The following TNPO1 variants were observed in gnomAD, a reference collection of about 807,000 sequenced individuals.
TNPO1 encodes transportin 1, also known as transportin-1.
Under a neutral mutation model 119.5 loss-of-function variants are expected in TNPO1, and 8 were observed. The observed-to-expected ratio is 0.07, with a 90% CI of 0.04 to 0.12. TNPO1 has a LOEUF of 0.12. Among genes scored for constraint, TNPO1 ranks in the 10% least tolerant of loss-of-function variants. The pLI, the probability that TNPO1 is intolerant of heterozygous loss-of-function variation, is 1.00. For missense variants in TNPO1, 576 were observed against 1,089.8 expected, an observed-to-expected ratio of 0.53 and a Z score of 6.64; for synonymous variants, 362 against 363.0, an observed-to-expected ratio of 1.00 and a Z score of 0.03.
intron 9 of TNPO1, among the ~76,000 whole-genome samples, chr5:72,877,587 T>G (rs1412187556): frequency 1.3e-5 from 2 of 152,146 alleles, no homozygotes; most frequent in African/African-American, 2.4e-5. Flanking sequence ...AGCACAGTAT[T>G]TTTGTGGGGT....
intron 9 of TNPO1, among the ~76,000 whole-genome samples, chr5:72,880,418 T>A (rs540512519): frequency 6.6e-6 from 1 of 152,334 alleles, no homozygotes; most frequent in African/African-American, 2.4e-5. Context: ...ATAGGGCTGT[T>A]GTGTGGATTT....
intron 3 of TNPO1, among the ~76,000 whole-genome samples, chr5:72,853,146 T>C (rs1356569590): frequency 1.3e-5 from 2 of 152,160 alleles, no homozygotes; most frequent in East Asian, 3.9e-4. Flanking sequence ...GGTGGCTCTT[T>C]CTTGGGATAT....
chr5:72,883,609 T>A lies in TNPO1; in HGVS notation c.1150+377T>A, dbSNP rs148992273. On this transcript the variant is annotated intron_variant, in intron 11 of 24. Coordinates refer to ENST00000337273, the MANE Select transcript of TNPO1 (RefSeq NM_002270.4). ...CATTCACTTGTATTGTGAAATAATA[T>A]TTCATTGTAATATGCCACATATTCT... 6.4e-3 allele frequency among the ~76,000 whole-genome samples: 979 copies of A among 152,386 alleles called. 8 individuals are homozygous for A. The highest frequency in any genetic ancestry group is 0.022 in the African/African-American group (932 of 41,600).
In TNPO1 at chr5:72,912,803, G is replaced by T. The variant is rs1027128495; in HGVS notation, c.*4130G>T. On this transcript the variant is annotated 3_prime_UTR_variant, in exon 25 of 25. Coordinates refer to ENST00000337273, the MANE Select transcript of TNPO1 (RefSeq NM_002270.4). ...TTAAGTCCTTTGCCATGAGGAAAAA[G>T]TGGTTTTTTGCTTCATATGGTAAAT... The T allele has an allele frequency of 6.6e-6, 1 of 152,486 alleles. No homozygotes were observed. The highest frequency in any genetic ancestry group is 2.4e-5 in the African/African-American group (1 of 41,440). 9.4% of individuals were successfully genotyped at this position (152,486 alleles called of 1,614,324 possible). A position where few individuals can be genotyped will look rare whatever the true frequency, so the allele number is the denominator to read the frequency against.
chr5:72,834,903 A>G (rs905582746), intron 1 of TNPO1, among the ~76,000 whole-genome samples: 1 of 151,774 alleles, frequency 6.6e-6, no homozygotes, highest in East Asian at 1.9e-4. Flanking sequence ...TATGCCTTTT[A>G]TCTTTTTATG....
At chr5:72,845,091 C>A (rs1346540225) in intron 1 of TNPO1, among the ~76,000 whole-genome samples, 1 of 103,414 alleles carries the variant, frequency 9.7e-6, no homozygotes, top group Non-Finnish European at 2.2e-5. Context: ...TTTTTTTGGT[C>A]ACCATTGAAT....
chr5:72,870,308 G>A (rs1170167482), intron 6 of TNPO1, among the ~76,000 whole-genome samples: 2 of 151,666 alleles, frequency 1.3e-5, no homozygotes, highest in Non-Finnish European at 2.9e-5. Context: ...AATTACAGGC[G>A]CATGCCATCA....
At chr5:72,865,220 C>T (rs1300562257) in intron 5 of TNPO1, among the ~76,000 whole-genome samples, 1 of 151,718 alleles carries the variant, frequency 6.6e-6, no homozygotes, top group Non-Finnish European at 1.5e-5. Context: ...GGCAGGCGGA[C>T]CAGCTGAGGT....
chr5:72,838,551 A>C (rs952840305), intron 1 of TNPO1, among the ~76,000 whole-genome samples: 1 of 152,140 alleles, frequency 6.6e-6, no homozygotes, highest in African/African-American at 2.4e-5. Context: ...CAGCTCCTTA[A>C]ATTCAGTAAG....
chr5:72,854,510 C>T (rs1021590374), intron 3 of TNPO1, among the ~76,000 whole-genome samples: 7 of 152,136 alleles, frequency 4.6e-5, no homozygotes, highest in African/African-American at 1.7e-4. Context: ...TTCAACATGC[C>T]AGCTCTTCAT....
At chr5:72,907,262 A>G (rs1026047228) in intron 24 of TNPO1, among the ~76,000 whole-genome samples, 1 of 152,216 alleles carries the variant, frequency 6.6e-6, no homozygotes, top group African/African-American at 2.4e-5. Context: ...CAAAGCTTCA[A>G]TGAGCTACTA....
At chr5:72,876,311 A>T (rs1232580010) in intron 8 of TNPO1, among the ~76,000 whole-genome samples, 2 of 152,214 alleles carry the variant, frequency 1.3e-5, no homozygotes, top group Admixed American at 1.3e-4. Context: ...ATATTTTGTT[A>T]GGTGAGATGT....
intron 11 of TNPO1, among the ~76,000 whole-genome samples, chr5:72,885,964 C>A (rs1412480877): frequency 6.6e-6 from 1 of 152,086 alleles, no homozygotes; most frequent in African/African-American, 2.4e-5. Context: ...TCAATTCACG[C>A]TTATAATAAG....
intron 6 of TNPO1, 97 bp downstream of exon 6, chr5:72,865,826 C>A: frequency 7.8e-7 from 1 of 1,274,582 alleles, no homozygotes; most frequent in Non-Finnish European, 1.1e-6. Flanking sequence ...AGCAAAAGAT[C>A]AAAAGATATT....
intron 22 of TNPO1, among the ~76,000 whole-genome samples, chr5:72,901,634 T>G (rs954571188): frequency 6.6e-6 from 1 of 152,230 alleles, no homozygotes; most frequent in East Asian, 1.9e-4. Flanking sequence ...GTTAAGCATC[T>G]GGATCCAACT....
In TNPO1 at chr5:72,893,363, G is replaced by C. The variant is rs1489842292; in HGVS notation, c.1897-14G>C. 3 of 1,610,186 alleles carry C rather than the reference G, an allele frequency of 1.9e-6. No individual in the cohort carries two copies. Among genetic ancestry groups the C allele is most frequent in the Non-Finnish European group, 2.5e-6 (3 of 1,178,812 alleles). Reference sequence around the variant, plus strand: ...TAAAACCAAACTTACAAAAAACATTGTGTCTAATTTCAGCTAAACAATGCT... The same window carrying C: ...TAAAACCAAACTTACAAAAAACATTCTGTCTAATTTCAGCTAAACAATGCT... On this transcript the variant is annotated splice_polypyrimidine_tract_variant and intron_variant, in intron 16 of 24. Transcript: ENST00000337273.
Position 72,870,425 on chromosome 5 carries a change from G to A in TNPO1, c.597-2214G>A, listed in dbSNP as rs566379100. Among the ~76,000 whole-genome samples, 12 of 152,256 alleles carry A rather than the reference G, an allele frequency of 7.9e-5. No homozygotes were observed. In the South Asian group the frequency reaches 2.1e-3, roughly 26 times the overall value. ...GATCCGCCCACCGTAGCCTCCCAGA[G>A]TGCTGGGATTACAGGCGTGAGCCAC... On this transcript the variant is annotated intron_variant, in intron 6 of 24. Transcript: ENST00000337273.
In TNPO1 at chr5:72,865,589, C is replaced by T. The variant is rs979411792; in HGVS notation, c.463-7C>T. The T allele has an allele frequency of 6.2e-7, 1 of 1,611,116 alleles. No homozygotes were observed. The highest frequency in any genetic ancestry group is 2.2e-5 in the East Asian group (1 of 44,836). ...AAATTCTGATAATTTAAATGTGTCT[C>T]TTACAGGGAGCATTTGGTGCCCTTC... On this transcript the variant is annotated splice_region_variant and splice_polypyrimidine_tract_variant and intron_variant, in intron 5 of 24. Coordinates refer to ENST00000337273, the MANE Select transcript of TNPO1 (RefSeq NM_002270.4).
chr5:72,846,240 C>G (rs1344109152), intron 1 of TNPO1, among the ~76,000 whole-genome samples: 1 of 151,924 alleles, frequency 6.6e-6, no homozygotes, highest in Non-Finnish European at 1.5e-5. Context: ...TTGGTAGTGG[C>G]AAAAAAGTAG....
Sources: allele counts gnomAD v4.1 joint callset (sites outside exome capture counted in the v4.1 genomes callset), GRCh38; gene constraint gnomAD v4.1.1; transcripts MANE v1.5; gene names NCBI Gene and HGNC (gene_info 2026-07-23, HGNC 2026-07-21).